Variants in NOL11 observed in about 807,000 individuals in gnomAD.
The protein encoded by NOL11 is nucleolar protein 11.
A neutral mutation model predicts 93.0 loss-of-function variants in NOL11; 42 were observed. That is an observed-to-expected ratio of 0.45 (90% confidence interval 0.35 to 0.58). NOL11 has a LOEUF of 0.58. Ranked by LOEUF, NOL11 falls within the 20% of genes least tolerant of loss-of-function variation. NOL11 has a pLI of 0.00. For missense variants in NOL11, 775 were observed against 841.8 expected (o/e 0.92, Z 0.98); for synonymous variants, 296 against 293.7 (o/e 1.01, Z -0.08).
chr17:67,723,480 C>T (rs2055055338), intron 5 of NOL11, among the ~76,000 whole-genome samples: 1 of 132,276 alleles, frequency 7.6e-6, no homozygotes, highest in African/African-American at 2.8e-5. Context: ...CCTCTGCCTC[C>T]TGGGTTCAAG....
chr17:67,725,830 G>A (rs77584998), intron 6 of NOL11, among the ~76,000 whole-genome samples: 2,161 of 152,236 alleles, frequency 0.014, 23 homozygotes, highest in East Asian at 0.024. Context: ...CTGTAATCCC[G>A]GTACTTTGGG....
chr17:67,743,129 A>G (rs1202272617), intron 16 of NOL11, among the ~76,000 whole-genome samples: 1 of 151,954 alleles, frequency 6.6e-6, no homozygotes, highest in Non-Finnish European at 1.5e-5. Flanking sequence ...AATCCCAGCA[A>G]CTCTGGATGA....
intron 3 of NOL11, 128 bp from the exon 4 acceptor site, chr17:67,721,250 A>G (rs1485200843): frequency 3.4e-6 from 2 of 596,210 alleles, no homozygotes; most frequent in African/African-American, 1.9e-5. Flanking sequence ...AACCATACAT[A>G]ATTATAAAGC....
intron 12 of NOL11, 54 bp from the exon 13 acceptor site, chr17:67,737,793 T>G (rs1380326969): frequency 1.3e-6 from 2 of 1,586,284 alleles, no homozygotes; most frequent in Admixed American, 3.8e-5. Context: ...ATAAATGTTC[T>G]GCAGTTGAGA....
intron 7 of NOL11, chr17:67,726,896 A>G (rs2055099803): frequency 2.9e-6 from 1 of 346,462 alleles, no homozygotes; most frequent in Non-Finnish European, 5.2e-6. Context: ...AGAAATAAAA[A>G]TGGCGAATAT....
Position 67,743,970 on chromosome 17 carries a change from C to A in NOL11, c.*111C>A, listed in dbSNP as rs754407284. 1 of 595,986 alleles carries A rather than the reference C, an allele frequency of 1.7e-6. No homozygotes were observed. 36.9% of individuals were successfully genotyped at this position (595,986 alleles called of 1,614,324 possible). ...GCGACCATCTCAGTGTCAAGAGAAA[C>A]GTGTCAGTGAGTACCTGGACCATCA... On this transcript the variant is annotated 3_prime_UTR_variant, in exon 18 of 18. Transcript: ENST00000253247.
chr17:67,733,521 A>G lies in NOL11; in HGVS notation c.854-842A>G, dbSNP rs77421667. ...CTCAGTGTGATGATAGTTGCGTAGAATAGCAGTGGTGAAGAAGGCAGGGCA... is the reference window on the plus strand; with the variant it reads ...CTCAGTGTGATGATAGTTGCGTAGAGTAGCAGTGGTGAAGAAGGCAGGGCA... On this transcript the variant is annotated intron_variant, in intron 7 of 17. Coordinates refer to ENST00000253247, the MANE Select transcript of NOL11 (RefSeq NM_015462.5). 1.9e-4 allele frequency among the ~76,000 whole-genome samples: 29 copies of G among 152,318 alleles called. 1 individual carries two copies. The East Asian group carries it at 5.0e-3, about 26-fold the overall frequency.
At chr17:67,732,549 A>G (rs934138943) in intron 7 of NOL11, among the ~76,000 whole-genome samples, 2 of 151,844 alleles carry the variant, frequency 1.3e-5, no homozygotes, top group African/African-American at 4.8e-5. Flanking sequence ...GCTAATATAC[A>G]TGGAATTATT....
Position 67,719,691 on chromosome 17 carries a change from C to T in NOL11, c.159C>T (p.Pro53=), listed in dbSNP as rs1447385754. Residue 53 remains proline (P), a synonymous_variant, in exon 2 of 18, where the codon CCC becomes CCT. Coordinates refer to ENST00000253247, the MANE Select transcript of NOL11 (RefSeq NM_015462.5). ...TTCATTAGGTTTCTGATCAGAAACC[C>T]TTGGGGAGCTGGTCAGTGAAACAAG... The part of the protein sequence containing the change: ...VILYKVSDQK[P]LGSWSVKQGQ... The T allele has an allele frequency of 6.3e-7, 1 of 1,599,086 alleles. No individual in the cohort carries two copies. Among genetic ancestry groups the T allele is most frequent in the South Asian group, 1.1e-5 (1 of 89,810 alleles).
intron 16 of NOL11, among the ~76,000 whole-genome samples, chr17:67,741,855 C>T (rs1432836049): frequency 2.6e-5 from 4 of 152,196 alleles, no homozygotes; most frequent in Non-Finnish European, 1.5e-5. Flanking sequence ...TAAGCCACCG[C>T]ACCCGGCCCA....
rs770722803 is a variant in NOL11 at position 67,739,582 on chromosome 17, G to A, written c.1909G>A (p.Gly637Arg). ...CSENATMTLP[G>R]IHPPTLNQIM... ...CGAAAATGCTACTATGACTCTTCCT[G>A]GAATACACCCACCTACCTTGAACCA... Residue 637 changes from glycine to arginine, a missense_variant, in exon 16 of 18, where the codon GGA becomes AGA. Coordinates refer to ENST00000253247, the MANE Select transcript of NOL11 (RefSeq NM_015462.5). 3.1e-6 allele frequency: 5 copies of A among 1,595,808 alleles called. No individual in the cohort carries two copies. Among genetic ancestry groups the A allele is most frequent in the South Asian group, 1.1e-5 (1 of 88,286 alleles).
intron 16 of NOL11, among the ~76,000 whole-genome samples, chr17:67,740,121 GAT>G (rs2143141537): frequency 6.6e-6 from 1 of 151,994 alleles, no homozygotes; most frequent in South Asian, 2.1e-4. Flanking sequence ...TGTAATCCCA[GAT>G]ACATGGGAGG....
At chr17:67,738,411 C>G in intron 14 of NOL11, 56 bp downstream of exon 14, 1 of 1,097,422 alleles carries the variant, frequency 9.1e-7, no homozygotes. Flanking sequence ...TAGTTATATG[C>G]CAAGCAGTAA....
At chr17:67,722,709 G>A (rs890170119) in intron 5 of NOL11, 72 bp downstream of exon 5, 1 of 1,502,092 alleles carries the variant, frequency 6.7e-7, no homozygotes, top group East Asian at 2.5e-5. Flanking sequence ...TTTAGAGACA[G>A]GGTGTTGCCC....
At chr17:67,727,246 T>C (rs1339614598) in intron 7 of NOL11, among the ~76,000 whole-genome samples, 1 of 152,204 alleles carries the variant, frequency 6.6e-6, no homozygotes, top group Non-Finnish European at 1.5e-5. Context: ...CCTGTCCACC[T>C]TTTCCAACCT....
At chr17:67,736,460 G>T in intron 9 of NOL11, 2 of 527,278 alleles carry the variant, frequency 3.8e-6, no homozygotes, top group Middle Eastern at 4.9e-4. Flanking sequence ...GTTTACCGAT[G>T]GCCTCATCTG....
chr17:67,728,238 G>C (rs546155158), intron 7 of NOL11, among the ~76,000 whole-genome samples: 1 of 151,886 alleles, frequency 6.6e-6, no homozygotes, highest in Non-Finnish European at 1.5e-5. Flanking sequence ...CCAGCCTGGG[G>C]GACAGAGCAA....
In NOL11 at chr17:67,738,277, A is replaced by C. The variant is rs1351447743; in HGVS notation, c.1685A>C (p.Gln562Pro). 1 of 1,613,992 alleles carries C rather than the reference A, an allele frequency of 6.2e-7. No individual in the cohort carries two copies. Among genetic ancestry groups the C allele is most frequent in the Admixed American group, 1.7e-5 (1 of 59,992 alleles). Residue 562 changes from glutamine to proline, a missense_variant, in exon 14 of 18, where the codon CAA becomes CCA. Gln to Pro is a moderately conservative substitution (Grantham distance 76, BLOSUM62 -1). Around this residue, in one of 2 missense-constraint regions of NOL11, gnomAD observed 416 missense variants for 525.2 expected, o/e 0.79. Coordinates refer to ENST00000253247, the MANE Select transcript of NOL11 (RefSeq NM_015462.5). ...GAAGATAAATGCAATAACTGTGATCAAGAGTTAAATAAAAAGCCCCAGGAC... is the reference window on the plus strand; with the variant it reads ...GAAGATAAATGCAATAACTGTGATCCAGAGTTAAATAAAAAGCCCCAGGAC... Reference protein sequence around the residue: ...PEEDKCNNCDQELNKKPQDET... With the variant: ...PEEDKCNNCDPELNKKPQDET...
chr17:67,728,765 T>C (rs1404109445), intron 7 of NOL11, among the ~76,000 whole-genome samples: 3 of 152,184 alleles, frequency 2.0e-5, no homozygotes, highest in African/African-American at 7.2e-5. Context: ...CAGAGATCAT[T>C]CCATATAATA....
Sources: allele counts gnomAD v4.1 joint callset (sites outside exome capture counted in the v4.1 genomes callset), GRCh38; gene constraint gnomAD v4.1.1; regional missense constraint gnomAD v4.1.1; transcripts MANE v1.5; gene names NCBI Gene and HGNC (gene_info 2026-07-23, HGNC 2026-07-21).